EYS: variants seen among roughly 807,000 people sequenced by gnomAD.
EYS encodes EGF-like photoreceptor maintenance factor, also known as protein eyes shut homolog.
EYS carries 250 observed loss-of-function variants against 282.1 expected under a neutral mutation model. That is an observed-to-expected ratio of 0.89 (90% CI 0.80 to 0.98). The LOEUF is 0.98. EYS is among the 50% of genes least tolerant of loss of function. The probability of loss-of-function intolerance (pLI) is 0.00; values close to 1 mark genes in which losing one functional copy is unlikely to be tolerated. For missense variants in EYS, 4,016 were observed against 3,709.0 expected, an observed-to-expected ratio of 1.08 and a Z score of -2.15; for synonymous variants, 1,355 against 1,282.9, an observed-to-expected ratio of 1.06 and a Z score of -1.20.
intron 30 of EYS, among the ~76,000 whole-genome samples, chr6:64,265,656 T>C (rs1004744793): frequency 6.6e-6 from 1 of 152,148 alleles, no homozygotes; most frequent in East Asian, 1.9e-4. Context: ...AAAGGACAAG[T>C]ATGTTGACCT....
rs557516046 is a variant in EYS at position 64,350,474 on chromosome 6, C to T, written c.6078+38216G>A. Among the ~76,000 whole-genome samples the T allele has an allele frequency of 7.9e-5, 12 of 151,508 alleles. No individual in the cohort carries two copies. In the South Asian group the frequency reaches 2.5e-3, roughly 31 times the overall value. ...GCAAATAATTTTGATAGCATTTTCCCAGACTTTGAAAACATAAGGAGAGAG... is the reference window on the plus strand; with the variant it reads ...GCAAATAATTTTGATAGCATTTTCCTAGACTTTGAAAACATAAGGAGAGAG... On this transcript the variant is annotated intron_variant, in intron 29 of 42. Coordinates refer to ENST00000503581, the MANE Select transcript of EYS (RefSeq NM_001142800.2).
chr6:64,561,678 GA>G (rs1765397938), intron 26 of EYS, among the ~76,000 whole-genome samples: 1 of 151,816 alleles, frequency 6.6e-6, no homozygotes. Context: ...ATAAATCTGA[GA>G]AGACACAAAT....
At chr6:63,958,277 A>C (rs1765906943) in intron 35 of EYS, among the ~76,000 whole-genome samples, 1 of 141,016 alleles carries the variant, frequency 7.1e-6, no homozygotes, top group African/African-American at 2.4e-5. Context: ...GAACAGATAT[A>C]TACTCTACAA....
chr6:65,107,342 C>T (rs1201885281), intron 12 of EYS, among the ~76,000 whole-genome samples: 1 of 150,320 alleles, frequency 6.7e-6, no homozygotes, highest in Non-Finnish European at 1.5e-5. Context: ...AACTCTCCAG[C>T]TTTCCTCGAG....
chr6:63,946,598 G>T (rs1469714082), intron 35 of EYS, among the ~76,000 whole-genome samples: 2 of 151,864 alleles, frequency 1.3e-5, no homozygotes, highest in African/African-American at 4.8e-5. Flanking sequence ...AAGGTGTACT[G>T]GTTTACAAAA....
intron 35 of EYS, among the ~76,000 whole-genome samples, chr6:63,887,040 G>C (rs1018232205): frequency 6.6e-6 from 1 of 152,118 alleles, no homozygotes; most frequent in African/African-American, 2.4e-5. Flanking sequence ...TCAGGATACT[G>C]TCTGGCTCAT....
chr6:65,478,657 T>A (rs1447465877), intron 5 of EYS, among the ~76,000 whole-genome samples: 1 of 152,144 alleles, frequency 6.6e-6, no homozygotes, highest in South Asian at 2.1e-4. Flanking sequence ...AAGAAATTGA[T>A]CTTTATGCCT....
Position 65,136,392 on chromosome 6 carries a change from T to TAG in EYS, c.2024-78666_2024-78665insCT, listed in dbSNP as rs538491697. On this transcript the variant is annotated intron_variant, in intron 12 of 42. Coordinates refer to ENST00000503581, the MANE Select transcript of EYS (RefSeq NM_001142800.2). Reference sequence around the variant, plus strand: ...CAAGGTCATTATAGTACAAATCATATTACGATCACTTTTTTATAGTTAGAA... The same window carrying TAG: ...CAAGGTCATTATAGTACAAATCATATAGTACGATCACTTTTTTATAGTTAGAA... 9.0e-3 allele frequency among the ~76,000 whole-genome samples: 1,363 copies of TAG among 152,170 alleles called. 20 individuals carry two copies. The highest frequency in any genetic ancestry group is 0.031 in the African/African-American group (1,291 of 41,532).
chr6:63,809,002 C>T (rs1035890333), intron 36 of EYS, among the ~76,000 whole-genome samples: 4 of 152,064 alleles, frequency 2.6e-5, no homozygotes, highest in Admixed American at 1.3e-4. Context: ...TGAATGGCAA[C>T]GCAGAGAGAT....
At chr6:64,662,771 T>TA in intron 22 of EYS, among the ~76,000 whole-genome samples, 1 of 152,314 alleles carries the variant, frequency 6.6e-6, no homozygotes, top group African/African-American at 2.4e-5. Context: ...TTTTGTTTTA[T>TA]AAATGAGAAT....
intron 14 of EYS, among the ~76,000 whole-genome samples, chr6:64,971,353 G>A (rs551586469): frequency 9.2e-5 from 14 of 151,716 alleles, no homozygotes; most frequent in South Asian, 2.1e-4. Context: ...AGTGAGCATC[G>A]GGACTTAAGG....
intron 41 of EYS, among the ~76,000 whole-genome samples, chr6:63,752,547 C>T (rs1769364799): frequency 1.4e-5 from 2 of 144,738 alleles, no homozygotes; most frequent in African/African-American, 5.2e-5. Context: ...GGCTGGAGTG[C>T]AGTGGCGCAA....
intron 12 of EYS, among the ~76,000 whole-genome samples, chr6:65,185,485 A>C (rs144509120): frequency 1.9e-3 from 285 of 151,974 alleles, no homozygotes; most frequent in African/African-American, 6.3e-3. Context: ...CAGATTTGAA[A>C]ATATGGATCA....
intron 22 of EYS, among the ~76,000 whole-genome samples, chr6:64,700,844 A>G (rs1178174753): frequency 6.6e-6 from 1 of 152,004 alleles, no homozygotes; most frequent in Non-Finnish European, 1.5e-5. Flanking sequence ...AAATATCATC[A>G]TCACGTTTTA....
chr6:64,047,601 G>T (rs543538934), intron 33 of EYS, among the ~76,000 whole-genome samples: 1 of 152,302 alleles, frequency 6.6e-6, no homozygotes, highest in South Asian at 2.1e-4. Context: ...ATAGAATTAG[G>T]TGACTTAGTA....
chr6:64,647,356 TGA>T (rs1768391171), intron 22 of EYS, among the ~76,000 whole-genome samples: 4 of 152,122 alleles, frequency 2.6e-5, no homozygotes, highest in Admixed American at 2.0e-4. Flanking sequence ...ACACACATAT[TGA>T]GAGAGACAGA....
chr6:64,685,946 T>G (rs1423628208), intron 22 of EYS, among the ~76,000 whole-genome samples: 1 of 152,092 alleles, frequency 6.6e-6, no homozygotes, highest in Admixed American at 6.6e-5. Flanking sequence ...TTATAGAGTA[T>G]GTTTTCTGAC....
intron 26 of EYS, among the ~76,000 whole-genome samples, chr6:64,555,814 AT>A (rs1765216773): frequency 6.6e-6 from 1 of 151,934 alleles, no homozygotes; most frequent in Non-Finnish European, 1.5e-5. Flanking sequence ...ATGTACACCT[AT>A]TATATCATTT....
chr6:63,773,311 G>A (rs1232564720), intron 40 of EYS, among the ~76,000 whole-genome samples: 1 of 152,160 alleles, frequency 6.6e-6, no homozygotes, highest in East Asian at 1.9e-4. Context: ...TTCCAAGGAA[G>A]TAGGGAGTAC....
Sources: gnomAD v4.1 joint callset for allele counts (sites outside exome capture counted in the v4.1 genomes callset) on GRCh38, gnomAD v4.1.1 for gene constraint, MANE v1.5 for transcripts, NCBI Gene and HGNC (gene_info 2026-07-23, HGNC 2026-07-21) for gene names.